The following WNK2 variants were observed in gnomAD, a reference collection of about 807,000 sequenced individuals.
WNK2 encodes the protein WNK lysine deficient protein kinase 2, also known as serine/threonine-protein kinase WNK2.
Under a neutral mutation model 192.1 loss-of-function variants are expected in WNK2, and 67 were observed. The observed-to-expected ratio is 0.35, with a 90% confidence interval of 0.29 to 0.43. WNK2 has a LOEUF of 0.43. WNK2 is among the 20% of genes least tolerant of loss of function. WNK2 has a pLI of 1.00. For synonymous variants in WNK2, 1,439 were observed against 1,393.9 expected, an observed-to-expected ratio of 1.03 and a Z score of -0.72; for missense variants, 2,698 against 3,089.7, an observed-to-expected ratio of 0.87 and a Z score of 3.01.
At chr9:93,274,618 C>T (rs1000864983) in intron 19 of WNK2, among the ~76,000 whole-genome samples, 1 of 151,190 alleles carries the variant, frequency 6.6e-6, no homozygotes, top group Non-Finnish European at 1.5e-5. Flanking sequence ...GATAATACTG[C>T]AATAGTCTGA....
In WNK2 at chr9:93,256,817, G is replaced by A. The variant is rs1843377259; in HGVS notation, c.2191-131G>A. 9 of 842,052 alleles carry A rather than the reference G, an allele frequency of 1.1e-5. No homozygotes were observed. The South Asian group carries it at 1.6e-4, about 15-fold the overall frequency. 52.2% of individuals were successfully genotyped at this position (842,052 alleles called of 1,614,324 possible). On this transcript the variant is annotated intron_variant, in intron 10 of 29. Coordinates refer to ENST00000427277, the MANE Select transcript of WNK2 (RefSeq NM_006648.4). ...GTGACTGTGCAAGTGTGTGTGTGCA[G>A]GCATGTGTGAATGTGAGCATGTGCG...
intron 2 of WNK2, among the ~76,000 whole-genome samples, chr9:93,200,895 G>T (rs913854553): frequency 1.3e-5 from 2 of 152,148 alleles, no homozygotes; most frequent in South Asian, 2.1e-4. Context: ...CTTTAAAACC[G>T]CTAGAAACAA....
At chr9:93,206,788 C>G (rs1833473682) in intron 2 of WNK2, among the ~76,000 whole-genome samples, 1 of 152,178 alleles carries the variant, frequency 6.6e-6, no homozygotes, top group Admixed American at 6.5e-5. Context: ...AGAGTGACAC[C>G]TGCTTCCCCG....
chr9:93,215,133 A>T (rs1470911839), intron 2 of WNK2, among the ~76,000 whole-genome samples: 2 of 149,604 alleles, frequency 1.3e-5, no homozygotes, highest in Admixed American at 6.7e-5. Flanking sequence ...TATTATTATT[A>T]TTTTTTGAGA....
rs149243272 is a variant in WNK2 at position 93,299,246 on chromosome 9, G to C, written c.6100G>C (p.Gly2034Arg). 126 of 1,570,788 alleles carry C rather than the reference G, an allele frequency of 8.0e-5. No homozygotes were observed. The highest frequency in any genetic ancestry group is 1.2e-4 in the Admixed American group (7 of 56,698). The change falls in exon 25 of 30, where the codon GGA (glycine) becomes CGA (arginine). Residue 2034 changes from glycine (G) to arginine (R), a missense_variant. Around this residue, in one of 7 missense-constraint regions of WNK2, gnomAD observed 1,098 missense variants for 1,101.0 expected, o/e 1.00. Transcript: ENST00000427277. The stretch of plus-strand genomic sequence containing the variant: ...CTCCGGCTTAGCCAGTGATGGAGGC[G>C]GAGCGCGTGGCCAAGGTGATTTCCA... ...ICSGLASDGG[G>R]ARGQGWTVYH...
intron 19 of WNK2, among the ~76,000 whole-genome samples, chr9:93,276,156 GAGA>G (rs1387041611): frequency 6.6e-6 from 1 of 152,150 alleles, no homozygotes; most frequent in African/African-American, 2.4e-5. Context: ...TTTGAAAATG[GAGA>G]ATCAAGTTAG....
Position 93,239,104 on chromosome 9 carries a change from T to C in WNK2, c.1323-653T>C, listed in dbSNP as rs916900781. Reference sequence around the variant, plus strand: ...TAGTGGTTAGGGAGGCTTCTTTGGGTGGCCAAGCCCTGCAGAGCCCCGAAG... The same window carrying C: ...TAGTGGTTAGGGAGGCTTCTTTGGGCGGCCAAGCCCTGCAGAGCCCCGAAG... On this transcript the variant is annotated intron_variant, in intron 6 of 29. Coordinates refer to ENST00000427277, the MANE Select transcript of WNK2 (RefSeq NM_006648.4). The surrounding 1 kb of genome is among the most constrained non-coding windows in gnomAD (Gnocchi z 4.2). Among the ~76,000 whole-genome samples the C allele has an allele frequency of 5.9e-5, 9 of 152,182 alleles. No individual in the cohort carries two copies. Among genetic ancestry groups the C allele is most frequent in the African/African-American group, 2.2e-4 (9 of 41,450 alleles).
At chr9:93,232,964 CAAA>C (rs71511650) in intron 4 of WNK2, among the ~76,000 whole-genome samples, 2 of 81,970 alleles carry the variant, frequency 2.4e-5, no homozygotes, top group African/African-American at 4.9e-5. Flanking sequence ...CCTGTCTCTA[CAAA>C]AAAAAAAAAA....
chr9:93,311,349 C>T (rs567719553), intron 28 of WNK2, among the ~76,000 whole-genome samples: 53 of 152,264 alleles, frequency 3.5e-4, no homozygotes, highest in African/African-American at 1.2e-3. Flanking sequence ...TGTCAGTGGA[C>T]GCTTGGGTGG....
At position 93,184,915 on chromosome 9, in the gene WNK2, C is replaced by A; in HGVS notation, c.-2-13C>A. On this transcript the variant is annotated splice_polypyrimidine_tract_variant and intron_variant, in intron 1 of 29. Coordinates refer to ENST00000427277, the MANE Select transcript of WNK2 (RefSeq NM_006648.4). ...CCGGCGCTCACGCGGGCCTGTGTGT[C>A]CTTGGCCCACAGAGATGGACGGCGA... The A allele has an allele frequency of 8.2e-7, 1 of 1,224,904 alleles. No homozygotes were observed. Among genetic ancestry groups the A allele is most frequent in the South Asian group, 4.0e-5 (1 of 24,698 alleles). The allele number at this position is 1,224,904 out of a possible 1,614,324, so 75.9% of individuals were successfully genotyped here.
In WNK2 at chr9:93,264,046, C is replaced by G. The variant is rs1410039555; in HGVS notation, c.3696+13C>G. ...TGCCACGTATATGGTGAGGCTGGGT[C>G]TGGGTGGCTTGGCTCCCGGTGTTTC... On this transcript the variant is annotated intron_variant, in intron 16 of 29. Coordinates refer to ENST00000427277, the MANE Select transcript of WNK2 (RefSeq NM_006648.4). 4 of 1,602,270 alleles carry G rather than the reference C, an allele frequency of 2.5e-6. No homozygotes were observed. In the African/African-American group the frequency reaches 4.0e-5, roughly 16 times the overall value.
At chr9:93,215,946 T>C (rs1251213623) in intron 2 of WNK2, among the ~76,000 whole-genome samples, 3 of 152,244 alleles carry the variant, frequency 2.0e-5, no homozygotes, top group African/African-American at 7.2e-5. Flanking sequence ...ATTTTGTCTT[T>C]CACTAGAGAT....
rs548706314 is a variant in WNK2, at chr9:93,262,885, C to G, written c.3410+166C>G. Among the ~76,000 whole-genome samples the G allele has an allele frequency of 5.9e-5, 9 of 152,368 alleles. No homozygotes were observed. In the South Asian group the frequency reaches 1.7e-3, roughly 28 times the overall value. On this transcript the variant is annotated intron_variant, in intron 14 of 29. Transcript: ENST00000427277. ...CCTGGTGGAGCCTCAGGGCCCTCCT[C>G]TCTGGGTCTTGCCAGCTGTTGTTGG...
intron 9 of WNK2, among the ~76,000 whole-genome samples, chr9:93,254,663 C>T (rs904109174): frequency 6.6e-6 from 1 of 152,202 alleles, no homozygotes. Context: ...AACAGCAGAA[C>T]TCATTTAAGG....
Position 93,263,657 on chromosome 9 carries a change from C to G in WNK2, c.3502C>G (p.Arg1168Gly). 1.3e-6 allele frequency: 2 copies of G among 1,598,636 alleles called. No individual in the cohort carries two copies. The highest frequency in any genetic ancestry group is 1.7e-6 in the Non-Finnish European group (2 of 1,175,818). ...GGGCAGGCTGGAGGGCAGGGCAGCC[C>G]GAAAACACCACCGCAGGTCCACGCG... The part of the protein sequence containing the change: ...GGGRLEGRAA[R>G]KHHRRSTRAR... The change falls in exon 15 of 30, where the codon CGA (arginine) becomes GGA (glycine). Residue 1168 changes from arginine (R) to glycine (G), a missense_variant. Around this residue, in one of 7 missense-constraint regions of WNK2, gnomAD observed 893 missense variants for 909.0 expected, o/e 0.98. Transcript: ENST00000427277.
At chr9:93,286,691 T>A (rs574679352) in intron 19 of WNK2, among the ~76,000 whole-genome samples, 1 of 152,340 alleles carries the variant, frequency 6.6e-6, no homozygotes, top group African/African-American at 2.4e-5. Context: ...AAACAAGGTT[T>A]GGAAGAAATA....
chr9:93,192,983 G>A (rs1335363048), intron 2 of WNK2, among the ~76,000 whole-genome samples: 1 of 152,210 alleles, frequency 6.6e-6, no homozygotes, highest in Admixed American at 6.5e-5. Context: ...AGACACCCAA[G>A]GTGATGGCAT....
At chr9:93,266,260 A>G (rs1845156329) in intron 16 of WNK2, among the ~76,000 whole-genome samples, 1 of 152,114 alleles carries the variant, frequency 6.6e-6, no homozygotes. Context: ...ATGTCCCATC[A>G]GTGGTTAGAG....
intron 19 of WNK2, among the ~76,000 whole-genome samples, chr9:93,283,408 G>A (rs1848010082): frequency 6.6e-6 from 1 of 152,150 alleles, no homozygotes; most frequent in Non-Finnish European, 1.5e-5. Context: ...CCTGTGATGA[G>A]ACTGACTAAA....
Sources: gnomAD v4.1 joint callset for allele counts (sites outside exome capture counted in the v4.1 genomes callset) on GRCh38, gnomAD v4.1.1 for gene constraint, gnomAD v4.1.1 regional missense constraint, Gnocchi (gnomAD v3.1) non-coding constraint, MANE v1.5 for transcripts, NCBI Gene and HGNC (gene_info 2026-07-23, HGNC 2026-07-21) for gene names.